Variants in KCNN2 observed in about 807,000 individuals in gnomAD.
KCNN2 encodes small conductance calcium-activated potassium channel protein 2.
In KCNN2, 24 loss-of-function variants were observed where a neutral mutation model predicts 55.5. That is an observed-to-expected ratio of 0.43 (90% confidence interval 0.31 to 0.61). The LOEUF (loss-of-function observed/expected upper bound fraction) is 0.61, where lower values mean the gene tolerates loss of function less well. Ranked by LOEUF, KCNN2 falls within the 20% of genes least tolerant of loss-of-function variation. The probability of loss-of-function intolerance (pLI) is 0.08; values close to 1 mark genes in which losing one functional copy is unlikely to be tolerated. For synonymous variants in KCNN2, 431 were observed against 336.1 expected, an observed-to-expected ratio of 1.28 and a Z score of -3.09; for missense variants, 754 against 853.6, an observed-to-expected ratio of 0.88 and a Z score of 1.45.
chr5:114,127,457 G>A (rs527331825), intron 1 of KCNN2, among the ~76,000 whole-genome samples: 58 of 152,292 alleles, frequency 3.8e-4, no homozygotes, highest in African/African-American at 1.1e-3. Context: ...GCACCTTGGC[G>A]TCTTTTAGCC....
chr5:114,212,417 T>C (rs1474230251), intron 1 of KCNN2, among the ~76,000 whole-genome samples: 2 of 151,980 alleles, frequency 1.3e-5, no homozygotes, highest in African/African-American at 4.8e-5. Context: ...ATAGTAGGGG[T>C]AGTTTCTTTC....
intron 1 of KCNN2, among the ~76,000 whole-genome samples, chr5:114,216,893 T>C (rs1754017366): frequency 6.6e-6 from 1 of 152,134 alleles, no homozygotes; most frequent in South Asian, 2.1e-4. Context: ...TTCCTGGGAC[T>C]AATAAGCAAT....
At chr5:114,107,138 C>T (rs577849596) in intron 1 of KCNN2, among the ~76,000 whole-genome samples, 9 of 152,182 alleles carry the variant, frequency 5.9e-5, no homozygotes, top group African/African-American at 1.9e-4. Flanking sequence ...CACCACCATT[C>T]ATTGAGAAAA....
chr5:114,212,827 T>G (rs747942770), intron 1 of KCNN2, among the ~76,000 whole-genome samples: 1 of 152,094 alleles, frequency 6.6e-6, no homozygotes, highest in Non-Finnish European at 1.5e-5. Flanking sequence ...AGGTCTTGTC[T>G]TGGCCTAATT....
chr5:114,340,501 A>C (rs1756996464), intron 2 of KCNN2, among the ~76,000 whole-genome samples: 1 of 152,206 alleles, frequency 6.6e-6, no homozygotes, highest in Non-Finnish European at 1.5e-5. Context: ...TCTTCCATTA[A>C]AATTATCAAC....
intron 5 of KCNN2, among the ~76,000 whole-genome samples, chr5:114,481,615 G>A (rs1276435394): frequency 6.6e-6 from 1 of 152,102 alleles, no homozygotes; most frequent in Non-Finnish European, 1.5e-5. Flanking sequence ...GAACAAAGCT[G>A]GAGGCATCAT....
intron 3 of KCNN2, among the ~76,000 whole-genome samples, chr5:114,421,910 C>T (rs909903489): frequency 2.0e-5 from 3 of 152,222 alleles, no homozygotes; most frequent in Non-Finnish European, 2.9e-5. Flanking sequence ...AGCCACCACA[C>T]GTGGCCATAA....
intron 2 of KCNN2, among the ~76,000 whole-genome samples, chr5:114,395,679 A>G (rs553632870): frequency 6.6e-6 from 1 of 152,248 alleles, no homozygotes; most frequent in East Asian, 1.9e-4. Flanking sequence ...GAATGTTTTC[A>G]TTTTCTTTAT....
intron 1 of KCNN2, among the ~76,000 whole-genome samples, chr5:114,152,393 A>G (rs192627945): frequency 6.6e-6 from 1 of 152,224 alleles, no homozygotes; most frequent in Non-Finnish European, 1.5e-5. Flanking sequence ...AAAATCACCA[A>G]ATAAACTCAA....
chr5:114,259,783 A>G lies in KCNN2; in HGVS notation c.-185+38218A>G, dbSNP rs946444096. Among the ~76,000 whole-genome samples, 3 of 152,254 alleles carry G rather than the reference A, an allele frequency of 2.0e-5. No individual in the cohort carries two copies. The East Asian group carries it at 5.8e-4, about 29-fold the overall frequency. Reference sequence around the variant, plus strand: ...TCTGGATTTCTAGCCCGTCTCTACCAGCCTCTTGTTTCCTTCTTTTGCTGT... The same window carrying G: ...TCTGGATTTCTAGCCCGTCTCTACCGGCCTCTTGTTTCCTTCTTTTGCTGT... On this transcript the variant is annotated intron_variant, in intron 2 of 10. Transcript: ENST00000512097.
intron 3 of KCNN2, among the ~76,000 whole-genome samples, chr5:114,429,841 T>TTA (rs1554054054): frequency 3.8e-5 from 5 of 132,446 alleles, no homozygotes; most frequent in East Asian, 4.0e-4. Flanking sequence ...TTTTTTTTTT[T>TTA]AACATGTGGA....
At position 114,470,650 on chromosome 5, in the gene KCNN2, GT is replaced by G. The variant is rs1463068972; in HGVS notation, c.1780-2403del. Reference sequence around the variant, plus strand: ...AGATCTAAAATACCTCGCTTTCATTGTCTGCATATGGCACAAAATATCAAAA... The same window carrying G: ...AGATCTAAAATACCTCGCTTTCATTGCTGCATATGGCACAAAATATCAAAA... On this transcript the variant is annotated intron_variant, in intron 4 of 7. Transcript: ENST00000673685. Among the ~76,000 whole-genome samples, 4 of 152,228 alleles carry G rather than the reference GT, an allele frequency of 2.6e-5. No individual in the cohort carries two copies. In the East Asian group the frequency reaches 7.7e-4, roughly 29 times the overall value.
At chr5:114,372,711 A>G (rs936233010) in intron 2 of KCNN2, among the ~76,000 whole-genome samples, 2 of 152,098 alleles carry the variant, frequency 1.3e-5, no homozygotes, top group African/African-American at 4.8e-5. Flanking sequence ...TATTTATGTT[A>G]CCATGTATTT....
At chr5:114,388,201 C>G (rs551250469) in intron 2 of KCNN2, among the ~76,000 whole-genome samples, 75 of 152,158 alleles carry the variant, frequency 4.9e-4, no homozygotes, top group Middle Eastern at 3.4e-3. Context: ...TTATTTCTGA[C>G]ATTATTTTGG....
intron 4 of KCNN2, among the ~76,000 whole-genome samples, chr5:114,471,880 G>T (rs1580889773): frequency 6.6e-6 from 1 of 152,218 alleles, no homozygotes; most frequent in Non-Finnish European, 1.5e-5. Flanking sequence ...TGTCCCTCCT[G>T]CCAGATTTGT....
chr5:114,096,448 A>G (rs942720289), intron 1 of KCNN2, among the ~76,000 whole-genome samples: 2 of 152,136 alleles, frequency 1.3e-5, no homozygotes, highest in African/African-American at 4.8e-5. Context: ...GACTTGCACT[A>G]TCTAGATAGT....
intron 2 of KCNN2, among the ~76,000 whole-genome samples, chr5:114,316,833 T>C (rs543798110): frequency 2.0e-5 from 3 of 152,298 alleles, no homozygotes; most frequent in Admixed American, 1.3e-4. Context: ...CCATCTGTAC[T>C]CATCTGTGAA....
chr5:114,314,165 A>G lies in KCNN2; in HGVS notation c.-184-46780A>G, dbSNP rs541095924. 2.0e-4 allele frequency among the ~76,000 whole-genome samples: 31 copies of G among 152,250 alleles called. No homozygotes were observed. In the South Asian group the frequency reaches 3.9e-3, roughly 19 times the overall value. On this transcript the variant is annotated intron_variant, in intron 2 of 10. Transcript: ENST00000512097. ...TCCTAACAACTTTTCAATAAAATTA[A>G]TAGACTTTATTTTTAGAGCAATTTT...
chr5:114,107,443 G>A (rs991592155), intron 1 of KCNN2, among the ~76,000 whole-genome samples: 5 of 152,190 alleles, frequency 3.3e-5, no homozygotes, highest in Admixed American at 2.0e-4. Context: ...GGAGTGCAAT[G>A]GCACAATCAT....
Sources: gnomAD v4.1 joint callset for allele counts (sites outside exome capture counted in the v4.1 genomes callset) on GRCh38, gnomAD v4.1.1 for gene constraint, MANE v1.5 for transcripts, NCBI Gene and HGNC (gene_info 2026-07-23, HGNC 2026-07-21) for gene names.